PDXDC1: variants seen among roughly 807,000 people sequenced by gnomAD.
PDXDC1 encodes the protein pyridoxal-dependent decarboxylase domain-containing protein 1.
A neutral mutation model predicts 100.1 loss-of-function variants in PDXDC1; 42 were observed. The observed-to-expected ratio is 0.42, with a 90% CI of 0.33 to 0.54. The LOEUF (loss-of-function observed/expected upper bound fraction) is 0.54. Ranked by LOEUF, PDXDC1 falls within the 20% of genes least tolerant of loss-of-function variation. The probability of loss-of-function intolerance (pLI) is 0.10; values close to 1 mark genes in which losing one functional copy is unlikely to be tolerated. For synonymous variants in PDXDC1, 260 were observed against 371.7 expected (o/e 0.70, Z 3.46); for missense variants, 636 against 979.2 (o/e 0.65, Z 4.68).
chr16:14,991,279 G>T (rs1233637623), intron 1 of PDXDC1, among the ~76,000 whole-genome samples: 1 of 17,094 alleles, frequency 5.9e-5, no homozygotes, highest in Non-Finnish European at 3.2e-4. Flanking sequence ...GTGTGTGTGT[G>T]TGTGTGTGTG....
downstream of PDXDC1, among the ~76,000 whole-genome samples, chr16:15,139,928 T>C (rs146861746): frequency 4.0e-5 from 6 of 151,590 alleles, no homozygotes; most frequent in Non-Finnish European, 7.4e-5. Context: ...AAACCCCATC[T>C]CTACTAAAAA....
At chr16:15,047,838 C>T (rs2044137700) in intron 16 of PDXDC1, 1 of 1,600,284 alleles carries the variant, frequency 6.2e-7, no homozygotes, top group Non-Finnish European at 8.6e-7. Context: ...TGGTTTCCTT[C>T]ACCTCTCTCA....
chr16:15,011,194 A>G (rs1728164128), intron 8 of PDXDC1, among the ~76,000 whole-genome samples: 1 of 152,302 alleles, frequency 6.6e-6, no homozygotes. Context: ...TAAAGTAGCA[A>G]GTAAGACTGT....
At chr16:15,070,841 A>G (rs1311435948) in intron 16 of PDXDC1, among the ~76,000 whole-genome samples, 1 of 152,166 alleles carries the variant, frequency 6.6e-6, no homozygotes, top group African/African-American at 2.4e-5. Flanking sequence ...AAAAGAATCA[A>G]AACAGTATAC....
At chr16:15,052,808 G>A (rs2151730936) in intron 16 of PDXDC1, among the ~76,000 whole-genome samples, 1 of 152,084 alleles carries the variant, frequency 6.6e-6, no homozygotes, top group South Asian at 2.1e-4. Context: ...CTGGGTGACA[G>A]AGCAAGGCTC....
intron 17 of PDXDC1, chr16:15,032,218 T>G (rs2043110018): frequency 5.9e-6 from 2 of 336,218 alleles, no homozygotes; most frequent in Admixed American, 8.3e-5. Context: ...TATAGAGAAT[T>G]GCAAATCAGT....
intron 16 of PDXDC1, among the ~76,000 whole-genome samples, chr16:15,080,984 CTTTCA>C (rs1197681886): frequency 1.3e-5 from 2 of 152,112 alleles, no homozygotes; most frequent in Non-Finnish European, 2.9e-5. Flanking sequence ...TAAACCATTC[CTTTCA>C]TATCAATGGA....
chr16:15,125,901 G>A (rs188941978), intron 16 of PDXDC1: 323 of 691,490 alleles, frequency 4.7e-4, no homozygotes, highest in African/African-American at 1.6e-3. Flanking sequence ...GACAGAGCCC[G>A]GTGCCATCTG....
intron 16 of PDXDC1, among the ~76,000 whole-genome samples, chr16:15,079,017 A>G (rs1417204577): frequency 6.6e-6 from 1 of 151,976 alleles, no homozygotes. Flanking sequence ...TCACCATGTT[A>G]GCCAGGATGG....
At chr16:15,019,485 A>G (rs1308782976) in intron 12 of PDXDC1, among the ~76,000 whole-genome samples, 1 of 152,296 alleles carries the variant, frequency 6.6e-6, no homozygotes, top group Non-Finnish European at 1.5e-5. Flanking sequence ...GTTTTAGAGC[A>G]TTCAGGCTTC....
downstream of PDXDC1, among the ~76,000 whole-genome samples, chr16:15,143,212 G>A (rs1404250350): frequency 1.3e-5 from 2 of 152,126 alleles, no homozygotes; most frequent in African/African-American, 2.4e-5. Context: ...GCTCCTTAGC[G>A]GCTGCTGGGG....
At chr16:15,020,003 T>C (rs1449345936) in intron 12 of PDXDC1, among the ~76,000 whole-genome samples, 1 of 151,470 alleles carries the variant, frequency 6.6e-6, no homozygotes, top group Non-Finnish European at 1.5e-5. Flanking sequence ...TCCCAGCTGC[T>C]CAGGAGGCTG....
intron 15 of PDXDC1, chr16:15,029,335 C>A (rs1343955708): frequency 1.8e-6 from 1 of 542,396 alleles, no homozygotes; most frequent in South Asian, 2.6e-5. Context: ...GCCAGGCCTG[C>A]ACTTTGATAG....
At chr16:15,084,831 C>G in intron 16 of PDXDC1, 1 of 696,656 alleles carries the variant, frequency 1.4e-6, no homozygotes, top group Middle Eastern at 2.4e-4. Context: ...TTTGGGAGGC[C>G]GAGGTGGGTG....
the PDXDC1 span, among the ~76,000 whole-genome samples, chr16:15,150,347 C>CAATA: frequency 0.21 from 29,885 of 141,012 alleles, 3,701 homozygotes; most frequent in Non-Finnish European, 0.27. Flanking sequence ...TCTCAAATAA[C>CAATA]AATAAATAAA....
At chr16:15,048,589 C>A (rs1315731062) in intron 16 of PDXDC1, among the ~76,000 whole-genome samples, 1 of 152,206 alleles carries the variant, frequency 6.6e-6, no homozygotes, top group South Asian at 2.1e-4. Flanking sequence ...TCAGATTACA[C>A]AGGAATAGTG....
At chr16:15,129,497 A>C (rs1354708348) in intron 16 of PDXDC1, among the ~76,000 whole-genome samples, 2 of 152,254 alleles carry the variant, frequency 1.3e-5, no homozygotes, top group Non-Finnish European at 2.9e-5. Flanking sequence ...CAATGAAAGG[A>C]AAATAGAGGT....
At position 15,059,719 on chromosome 16, in the gene PDXDC1, G is replaced by GAA. The variant is rs748221051; in HGVS notation, c.1399+29664_1399+29665insAA. Among the ~76,000 whole-genome samples, 3 of 152,296 alleles carry GAA rather than the reference G, an allele frequency of 2.0e-5. No homozygotes were observed. The East Asian group carries it at 5.8e-4, about 29-fold the overall frequency. On this transcript the variant is annotated intron_variant, in intron 16 of 16. Coordinates refer to the PDXDC1 transcript ENST00000535621. The stretch of plus-strand genomic sequence containing the variant: ...CCATTGTTGGCATGTAATTTATAAG[G>GAA]AGATTTCACAGTATTTTTCCCCATA...
At chr16:15,131,269 G>A (rs1453765521) in intron 16 of PDXDC1, 2 of 1,586,966 alleles carry the variant, frequency 1.3e-6, no homozygotes, top group Non-Finnish European at 1.7e-6. Flanking sequence ...GCGCTCTGAG[G>A]CCAGCCGCTC....
Sources: allele counts gnomAD v4.1 joint callset (sites outside exome capture counted in the v4.1 genomes callset), GRCh38; gene constraint gnomAD v4.1.1; transcripts MANE v1.5; gene names NCBI Gene and HGNC (gene_info 2026-07-23, HGNC 2026-07-21).